The following RIF1 variants were observed in gnomAD, a reference collection of about 807,000 sequenced individuals.
RIF1 encodes the protein telomere-associated protein RIF1.
In RIF1, 45 loss-of-function variants were observed where a neutral mutation model predicts 247.1. The ratio of observed to expected loss-of-function variants is 0.18; its 90% CI spans 0.14 to 0.23. The LOEUF (loss-of-function observed/expected upper bound fraction) is 0.23, where lower values mean the gene tolerates loss of function less well. RIF1 is among the 10% of genes least tolerant of loss of function. The pLI, the probability that RIF1 is intolerant of heterozygous loss-of-function variation, is 1.00. For synonymous variants in RIF1, 1,087 were observed against 978.8 expected (o/e 1.11, Z -2.06); for missense variants, 2,967 against 2,862.5 (o/e 1.04, Z -0.83).
chr2:151,517,014 T>C, the RIF1 span, among the ~76,000 whole-genome samples: 1 of 152,218 alleles, frequency 6.6e-6, no homozygotes, highest in Admixed American at 6.5e-5. Context: ...GGGGTCTAGA[T>C]TGAATGGATA....
At chr2:151,420,458 GC>G (rs1266248987) in intron 7 of RIF1, 79 bp downstream of exon 7, 3 of 1,385,340 alleles carry the variant, frequency 2.2e-6, no homozygotes, top group African/African-American at 2.9e-5. Context: ...CAGTCTGGTG[GC>G]CAGGTACGGT....
chr2:151,499,144 G>C (rs537508368), intron 10 of RIF1, among the ~76,000 whole-genome samples: 1 of 152,156 alleles, frequency 6.6e-6, no homozygotes, highest in Non-Finnish European at 1.5e-5. Context: ...ACCAAAATGG[G>C]GAAAACTGAT....
intron 4 of RIF1, among the ~76,000 whole-genome samples, chr2:151,416,335 T>C (rs1043935864): frequency 2.0e-5 from 3 of 152,198 alleles, no homozygotes; most frequent in South Asian, 2.1e-4. Context: ...GCACAAGATA[T>C]CTGATTTGGT....
chr2:151,410,073 A>G (rs1685873581), intron 1 of RIF1, 40 bp downstream of exon 1: 2 of 701,924 alleles, frequency 2.8e-6, no homozygotes, highest in Non-Finnish European at 5.2e-6. Flanking sequence ...GGCCGCGGGG[A>G]ACCCTCAGTC....
At chr2:151,522,763 T>C in the RIF1 span, among the ~76,000 whole-genome samples, 1 of 152,306 alleles carries the variant, frequency 6.6e-6, no homozygotes, top group African/African-American at 2.4e-5. Flanking sequence ...TTAATTTTCT[T>C]AAGATGCCTC....
intron 4 of RIF1, among the ~76,000 whole-genome samples, chr2:151,415,969 A>G (rs948847135): frequency 1.3e-5 from 2 of 152,232 alleles, no homozygotes; most frequent in Non-Finnish European, 2.9e-5. Flanking sequence ...GCTGAATTGA[A>G]AAGTTCTTTG....
At chr2:151,497,556 T>C in intron 10 of RIF1, 1 of 1,528,304 alleles carries the variant, frequency 6.5e-7, no homozygotes, top group Non-Finnish European at 8.8e-7. Flanking sequence ...GATTAATACG[T>C]ATTATTTTAA....
At chr2:151,534,340 A>G in the RIF1 span, 1 of 1,596,168 alleles carries the variant, frequency 6.3e-7, no homozygotes, top group South Asian at 1.1e-5. Context: ...ATCATAGCAT[A>G]TTATAGCAAG....
At chr2:151,506,865 A>T (rs1165189420) in intron 13 of RIF1, 4 of 1,259,262 alleles carry the variant, frequency 3.2e-6, no homozygotes, top group Admixed American at 1.7e-5. Flanking sequence ...AGGAGAGTGA[A>T]ATGACTAGGT....
the RIF1 span, chr2:151,527,004 G>C: frequency 3.1e-6 from 5 of 1,597,770 alleles, no homozygotes; most frequent in Admixed American, 6.9e-5. Context: ...AGGAACTCCC[G>C]GTCCAGCTTA....
intron 8 of RIF1, among the ~76,000 whole-genome samples, chr2:151,427,019 T>C (rs1573925174): frequency 6.6e-6 from 1 of 152,168 alleles, no homozygotes; most frequent in East Asian, 1.9e-4. Context: ...GCTAGATCTA[T>C]TACGAAGTAT....
the RIF1 span, among the ~76,000 whole-genome samples, chr2:151,516,794 C>T: frequency 6.6e-6 from 1 of 152,080 alleles, no homozygotes; most frequent in Non-Finnish European, 1.5e-5. Flanking sequence ...GGATTCAATT[C>T]AAGGACACAA....
chr2:151,517,465 A>C, the RIF1 span, among the ~76,000 whole-genome samples: 1 of 152,256 alleles, frequency 6.6e-6, no homozygotes, highest in East Asian at 1.9e-4. Flanking sequence ...TTTGTGATAT[A>C]GGAGGTCATG....
chr2:151,462,679 T>G (rs1410173000), intron 29 of RIF1, among the ~76,000 whole-genome samples: 1 of 151,856 alleles, frequency 6.6e-6, no homozygotes, highest in Non-Finnish European at 1.5e-5. Context: ...ATAAAATAAA[T>G]GTACTTGGCT....
At chr2:151,497,618 C>T (rs776901279) in intron 10 of RIF1, 3 of 1,562,832 alleles carry the variant, frequency 1.9e-6, no homozygotes, top group South Asian at 2.4e-5. Context: ...CTTTTCTTGC[C>T]AAAGTACCGA....
At position 151,491,803 on chromosome 2, in the gene RIF1, AGT is replaced by A. The variant is rs747931478; in HGVS notation, c.*416-3423_*416-3422del. The A allele has an allele frequency of 3.9e-6, 6 of 1,526,812 alleles. No homozygotes were observed. The African/African-American group carries it at 8.3e-5, about 21-fold the overall frequency. The allele number at this position is 1,526,812 out of a possible 1,614,324, so 94.6% of individuals were successfully genotyped here. Reference sequence around the variant, plus strand: ...GAAAGGGAAACCAGTGATCAGAACAAGTGTTCTTGGAGTTTTCCAATAACTTG... The same window carrying A: ...GAAAGGGAAACCAGTGATCAGAACAAGTTCTTGGAGTTTTCCAATAACTTG... On this transcript the variant is annotated intron_variant and NMD_transcript_variant, in intron 9 of 13. Coordinates refer to the RIF1 transcript ENST00000454583.
intron 14 of RIF1, 30 bp downstream of exon 14, chr2:151,438,776 T>C: frequency 1.4e-6 from 2 of 1,453,738 alleles, no homozygotes; most frequent in Middle Eastern, 3.5e-4. Flanking sequence ...TCAAATGTTG[T>C]TTTTTGAAAC....
At position 151,465,481 on chromosome 2, in the gene RIF1, A is replaced by T. The variant is rs937380145; in HGVS notation, c.5961A>T (p.Gln1987His). 3 of 1,614,094 alleles carry T rather than the reference A, an allele frequency of 1.9e-6. No individual in the cohort carries two copies. Among genetic ancestry groups the T allele is most frequent in the Non-Finnish European group, 2.5e-6 (3 of 1,179,978 alleles). The change falls in exon 30 of 36, where the codon CAA becomes CAT. Residue 1987 changes from glutamine (Q) to histidine (H), a missense_variant. This residue lies in a region of RIF1 where 2,028 missense variants were observed against 1,825.6 expected (regional missense o/e 1.11). Coordinates refer to ENST00000444746, the MANE Select transcript of RIF1 (RefSeq NM_018151.5). ...CTACACCTGTAAAATTGAATGCTCA[A>T]ACTGAGATTTCTGAACAAACAGCAG... ...DNTTPVKLNAQTEISEQTAAG... is the reference protein window; with the variant it reads ...DNTTPVKLNAHTEISEQTAAG...
chr2:151,442,706 C>T (rs1252360765), intron 16 of RIF1, among the ~76,000 whole-genome samples: 1 of 149,350 alleles, frequency 6.7e-6, no homozygotes, highest in East Asian at 2.0e-4. Context: ...TATCTGGAAT[C>T]TCATAATTCC....
Sources: gnomAD v4.1 joint callset for allele counts (sites outside exome capture counted in the v4.1 genomes callset) on GRCh38, gnomAD v4.1.1 for gene constraint, gnomAD v4.1.1 regional missense constraint, MANE v1.5 for transcripts, NCBI Gene and HGNC (gene_info 2026-07-23, HGNC 2026-07-21) for gene names.